PTPRM: variants seen among roughly 807,000 people sequenced by gnomAD.
PTPRM encodes receptor-type tyrosine-protein phosphatase mu.
In PTPRM, 47 loss-of-function variants were observed where a neutral mutation model predicts 186.7. That is an observed-to-expected ratio of 0.25 (90% CI 0.20 to 0.32). The LOEUF is 0.32. PTPRM is among the 10% of genes least tolerant of loss of function. The probability of loss-of-function intolerance (pLI) is 1.00; values close to 1 mark genes in which losing one functional copy is unlikely to be tolerated. For synonymous variants in PTPRM, 668 were observed against 674.9 expected (o/e 0.99, Z 0.16); for missense variants, 1,494 against 1,865.0 (o/e 0.80, Z 3.66).
At chr18:8,403,562 A>G (rs1161540962) in intron 32 of PTPRM, 1 of 152,138 alleles carries the variant, frequency 6.6e-6, no homozygotes, top group Non-Finnish European at 1.5e-5. Context: ...ATAAACAAGC[A>G]CATGTACCCC....
At chr18:8,155,540 A>G (rs2093102458) in intron 14 of PTPRM, among the ~76,000 whole-genome samples, 1 of 152,238 alleles carries the variant, frequency 6.6e-6, no homozygotes, top group Admixed American at 6.5e-5. Context: ...ACACATTTAA[A>G]CAGATGTACA....
intron 23 of PTPRM, among the ~76,000 whole-genome samples, chr18:8,361,519 TA>T (rs1201757381): frequency 2.0e-5 from 3 of 152,166 alleles, no homozygotes; most frequent in Admixed American, 6.5e-5. Context: ...TAAACAAACT[TA>T]AAAGACATTA....
chr18:8,198,012 C>G (rs1185897318), intron 14 of PTPRM, among the ~76,000 whole-genome samples: 1 of 152,158 alleles, frequency 6.6e-6, no homozygotes, highest in Non-Finnish European at 1.5e-5. Context: ...CACCCTTGCT[C>G]TCTCCCACCT....
chr18:8,224,244 A>C (rs936299345), intron 14 of PTPRM, among the ~76,000 whole-genome samples: 6 of 152,184 alleles, frequency 3.9e-5, no homozygotes, highest in Admixed American at 1.3e-4. Flanking sequence ...TGCAACTGCC[A>C]CCTGAGTAGG....
chr18:7,744,724 A>G (rs535351495), intron 1 of PTPRM, among the ~76,000 whole-genome samples: 1 of 152,262 alleles, frequency 6.6e-6, no homozygotes, highest in South Asian at 2.1e-4. Context: ...GACACCCCCA[A>G]TATTTTTCCC....
intron 2 of PTPRM, among the ~76,000 whole-genome samples, chr18:7,778,100 C>T (rs1568117706): frequency 6.6e-6 from 1 of 152,110 alleles, no homozygotes; most frequent in Non-Finnish European, 1.5e-5. Context: ...AAAGTTAGTG[C>T]TCCAGTGTAT....
Position 8,088,735 on chromosome 18 carries a change from G to C in PTPRM, c.1754-14G>C. 6.3e-7 allele frequency: 1 copy of C among 1,575,346 alleles called. No individual in the cohort carries two copies. Among genetic ancestry groups the C allele is most frequent in the Non-Finnish European group, 8.7e-7 (1 of 1,145,400 alleles). On this transcript the variant is annotated splice_polypyrimidine_tract_variant and intron_variant, in intron 10 of 32. Transcript: ENST00000580170. ...AGAAATAATGAGTCTCCCATTCTAC[G>C]CCTTTTTCCCCAGCACCCTCTATGC...
chr18:7,907,853 A>G (rs980072857), intron 4 of PTPRM, among the ~76,000 whole-genome samples: 1 of 151,874 alleles, frequency 6.6e-6, no homozygotes, highest in East Asian at 1.9e-4. Context: ...ATAAATGCTA[A>G]TGAATGGTTT....
intron 14 of PTPRM, among the ~76,000 whole-genome samples, chr18:8,227,682 T>C (rs2094231216): frequency 6.6e-6 from 1 of 152,212 alleles, no homozygotes. Flanking sequence ...AGTGTTCCAA[T>C]ATGACATGCA....
At chr18:7,841,885 T>C (rs751023588) in intron 2 of PTPRM, among the ~76,000 whole-genome samples, 1 of 152,216 alleles carries the variant, frequency 6.6e-6, no homozygotes, top group Non-Finnish European at 1.5e-5. Context: ...AACCTACTTA[T>C]ATTTTGAAAT....
At chr18:8,238,112 A>G (rs1055842579) in intron 14 of PTPRM, among the ~76,000 whole-genome samples, 2 of 152,208 alleles carry the variant, frequency 1.3e-5, no homozygotes, top group Non-Finnish European at 2.9e-5. Flanking sequence ...AACTGGAAAA[A>G]TCCAAAATGT....
intron 32 of PTPRM, among the ~76,000 whole-genome samples, chr18:8,396,193 C>T (rs574455223): frequency 1.4e-3 from 215 of 152,332 alleles, no homozygotes; most frequent in African/African-American, 4.9e-3. Context: ...GGCAATTGAG[C>T]AAAGAGTGGC....
intron 32 of PTPRM, chr18:8,404,827 G>C (rs528940792): frequency 5.8e-4 from 88 of 152,366 alleles, no homozygotes; most frequent in African/African-American, 2.0e-3. Flanking sequence ...GCTTCCTCAA[G>C]CCCTGCGTCC....
intron 2 of PTPRM, among the ~76,000 whole-genome samples, chr18:7,811,901 G>C (rs2044539143): frequency 6.6e-6 from 1 of 152,128 alleles, no homozygotes; most frequent in African/African-American, 2.4e-5. Flanking sequence ...ATATATGGCA[G>C]CCTCTTCCTG....
At chr18:7,667,957 A>C (rs775489575) in intron 1 of PTPRM, among the ~76,000 whole-genome samples, 25 of 151,794 alleles carry the variant, frequency 1.6e-4, no homozygotes, top group Admixed American at 2.6e-4. Context: ...TTTTCTTTAC[A>C]TGCTCACATT....
Position 8,387,150 on chromosome 18 carries a change from C to A in PTPRM, c.4123C>A (p.Arg1375Ser). ...PMYRDTPVSK[R>S]SFLKLIRQVD... The stretch of plus-strand genomic sequence containing the variant: ...GTACAGGGACACACCAGTGTCTAAG[C>A]GCTCCTTCTTGAAGCTCATTCGCCA... The change falls in exon 31 of 33, where the codon CGC becomes AGC. Residue 1375 changes from arginine (R) to serine (S), a missense_variant. Around this residue, in one of 3 missense-constraint regions of PTPRM, gnomAD observed 1,107 missense variants for 1,350.2 expected, o/e 0.82. Coordinates refer to ENST00000580170, the MANE Select transcript of PTPRM (RefSeq NM_001105244.2). 6.2e-7 allele frequency: 1 copy of A among 1,612,502 alleles called. No individual in the cohort carries two copies. The highest frequency in any genetic ancestry group is 1.3e-5 in the African/African-American group (1 of 75,014).
At chr18:7,636,358 G>A (rs2038312352) in intron 1 of PTPRM, among the ~76,000 whole-genome samples, 1 of 152,096 alleles carries the variant, frequency 6.6e-6, no homozygotes, top group African/African-American at 2.4e-5. Context: ...TGTTTTGCCT[G>A]GAAGTTAAGC....
intron 20 of PTPRM, among the ~76,000 whole-genome samples, chr18:8,303,259 G>A (rs1284600482): frequency 6.6e-6 from 1 of 152,086 alleles, no homozygotes; most frequent in African/African-American, 2.4e-5. Context: ...ATGTAGTGCT[G>A]AGGACACGAG....
intron 11 of PTPRM, among the ~76,000 whole-genome samples, chr18:8,094,491 G>T (rs2090918161): frequency 6.6e-6 from 1 of 152,126 alleles, no homozygotes; most frequent in Non-Finnish European, 1.5e-5. Flanking sequence ...CCAGCACTTT[G>T]GGAGGCCAAG....
Sources: gnomAD v4.1 joint callset for allele counts (sites outside exome capture counted in the v4.1 genomes callset) on GRCh38, gnomAD v4.1.1 for gene constraint, gnomAD v4.1.1 regional missense constraint, MANE v1.5 for transcripts, NCBI Gene and HGNC (gene_info 2026-07-23, HGNC 2026-07-21) for gene names.